The following PRKAG2 variants were observed in gnomAD, a reference collection of about 807,000 sequenced individuals.
The protein encoded by PRKAG2 is protein kinase AMP-activated non-catalytic subunit gamma 2.
PRKAG2 carries 26 observed loss-of-function variants against 69.6 expected under a neutral mutation model. That is an observed-to-expected ratio of 0.37 (90% confidence interval 0.27 to 0.52). The LOEUF (loss-of-function observed/expected upper bound fraction) is 0.52. Ranked by LOEUF, PRKAG2 falls within the 20% of genes least tolerant of loss-of-function variation. The probability of loss-of-function intolerance (pLI) is 0.90; values close to 1 mark genes in which losing one functional copy is unlikely to be tolerated. For missense variants in PRKAG2, 557 were observed against 740.0 expected, an observed-to-expected ratio of 0.75 and a Z score of 2.87; for synonymous variants, 293 against 285.0, an observed-to-expected ratio of 1.03 and a Z score of -0.28.
chr7:151,778,478 T>C (rs1046974967), intron 3 of PRKAG2, among the ~76,000 whole-genome samples: 4 of 152,198 alleles, frequency 2.6e-5, no homozygotes, highest in Non-Finnish European at 5.9e-5. Flanking sequence ...TACTCCTTTA[T>C]AGCAATGCAA....
At chr7:151,607,750 C>T (rs1205700922) in intron 5 of PRKAG2, among the ~76,000 whole-genome samples, 3 of 152,126 alleles carry the variant, frequency 2.0e-5, no homozygotes, top group Admixed American at 6.5e-5. Context: ...TTTGAGAATG[C>T]GTTCCTCATG....
intron 1 of PRKAG2, among the ~76,000 whole-genome samples, chr7:151,793,414 T>C (rs1027000141): frequency 6.6e-6 from 1 of 152,216 alleles, no homozygotes; most frequent in Non-Finnish European, 1.5e-5. Flanking sequence ...CCCTTAAGGT[T>C]TCTCAACTGA....
chr7:151,717,804 A>G (rs551052477), intron 3 of PRKAG2, among the ~76,000 whole-genome samples: 1 of 152,358 alleles, frequency 6.6e-6, no homozygotes, highest in East Asian at 1.9e-4. Context: ...TTTTCAGCCT[A>G]TAAAGTTGAT....
chr7:151,781,451 T>C lies in PRKAG2; in HGVS notation c.187-20A>G. On this transcript the variant is annotated intron_variant, in intron 2 of 15. Coordinates refer to ENST00000287878, the MANE Select transcript of PRKAG2 (RefSeq NM_016203.4). The surrounding 1 kb of genome is among the most constrained non-coding windows in gnomAD (Gnocchi z 6.1). ...GTCCACCTGCAGAAAAACAGACGAA[T>C]GGATGCAGTCACTCCACGCTCTGGA... is the stretch of plus-strand genomic sequence containing the variant. 2 of 1,592,040 alleles carry C rather than the reference T, an allele frequency of 1.3e-6. No homozygotes were observed. Among genetic ancestry groups the C allele is most frequent in the Non-Finnish European group, 1.7e-6 (2 of 1,170,280 alleles).
chr7:151,688,460 C>T (rs184575001), intron 3 of PRKAG2, among the ~76,000 whole-genome samples: 1 of 152,292 alleles, frequency 6.6e-6, no homozygotes, highest in Admixed American at 6.5e-5. Context: ...GGAATTTACC[C>T]CGATGAGATG....
intron 1 of PRKAG2, among the ~76,000 whole-genome samples, chr7:151,798,552 G>C (rs1160365928): frequency 6.6e-6 from 1 of 152,098 alleles, no homozygotes. Context: ...TGGGCTCAAG[G>C]GATATACCTG....
intron 1 of PRKAG2, among the ~76,000 whole-genome samples, chr7:151,827,990 A>G (rs1314271156): frequency 6.6e-6 from 1 of 152,082 alleles, no homozygotes; most frequent in African/African-American, 2.4e-5. Context: ...CAGTCCAGAA[A>G]AACTCCCAGG....
intron 3 of PRKAG2, among the ~76,000 whole-genome samples, chr7:151,741,001 T>C (rs958096208): frequency 6.6e-5 from 10 of 152,264 alleles, no homozygotes; most frequent in Non-Finnish European, 1.2e-4. Flanking sequence ...TGTTTAGATG[T>C]CTTTTTTTCT....
At chr7:151,630,799 G>A (rs1458253426) in intron 5 of PRKAG2, among the ~76,000 whole-genome samples, 1 of 152,226 alleles carries the variant, frequency 6.6e-6, no homozygotes, top group African/African-American at 2.4e-5. Flanking sequence ...TAATAAAACT[G>A]AGGAATAGTG....
chr7:151,779,686 T>G (rs2076574043), intron 3 of PRKAG2, among the ~76,000 whole-genome samples: 1 of 152,212 alleles, frequency 6.6e-6, no homozygotes, highest in Middle Eastern at 3.2e-3. Context: ...TAGGAGCCCT[T>G]GAAGGCAGGA....
In PRKAG2 at chr7:151,614,306, T is replaced by C. The variant is rs1327541055; in HGVS notation, c.754+17763A>G. ...ACATGGGGCAGGGGCTGGCACCCCA[T>C]GGCGATGGGGGAGCAGCAGCAGGGT... On this transcript the variant is annotated intron_variant, in intron 5 of 15. Coordinates refer to ENST00000287878, the MANE Select transcript of PRKAG2 (RefSeq NM_016203.4). This position sits in a 1 kb window ranked among gnomAD's most constrained non-coding sequence, Gnocchi z 4.4. Among the ~76,000 whole-genome samples the C allele has an allele frequency of 6.6e-6, 1 of 151,990 alleles. No homozygotes were observed. Among genetic ancestry groups the C allele is most frequent in the Non-Finnish European group, 1.5e-5 (1 of 67,958 alleles).
At chr7:151,573,333 GTTTTTTTTTTTT>G (rs57854174) in intron 8 of PRKAG2, among the ~76,000 whole-genome samples, 17 of 82,880 alleles carry the variant, frequency 2.1e-4, no homozygotes, top group African/African-American at 5.2e-4. Flanking sequence ...ATTTTTGTGG[GTTTTTTTTTTTT>G]TTTTTTTTTT....
At chr7:151,650,018 A>G (rs1828215936) in intron 4 of PRKAG2, among the ~76,000 whole-genome samples, 1 of 152,164 alleles carries the variant, frequency 6.6e-6, no homozygotes, top group Non-Finnish European at 1.5e-5. Context: ...GCAAAGCGTA[A>G]TGACTACTTG....
intron 1 of PRKAG2, among the ~76,000 whole-genome samples, chr7:151,820,164 A>T (rs1207634248): frequency 1.3e-5 from 2 of 152,248 alleles, no homozygotes; most frequent in Admixed American, 6.5e-5. Context: ...AAGTGAGAGG[A>T]GGAAGGACTC....
intron 4 of PRKAG2, among the ~76,000 whole-genome samples, chr7:151,657,354 G>A (rs948575516): frequency 1.3e-5 from 2 of 152,150 alleles, no homozygotes; most frequent in African/African-American, 4.8e-5. Flanking sequence ...CTGACTCACT[G>A]CTGGACTGTT....
rs1181830900 is a variant in PRKAG2 at position 151,835,032 on chromosome 7, C to G, written c.114+41475G>C. ...ATCTGTGTCCAGAATCCCCCTCATA[C>G]GCAGATGCCAGCCATGTGGAAAAGG... On this transcript the variant is annotated intron_variant, in intron 1 of 15. Transcript: ENST00000287878. The surrounding 1 kb of genome is among the most constrained non-coding windows in gnomAD (Gnocchi z 4.1). Among the ~76,000 whole-genome samples the G allele has an allele frequency of 2.6e-5, 4 of 152,298 alleles. No individual in the cohort carries two copies. The highest frequency in any genetic ancestry group is 4.1e-4 in the South Asian group (2 of 4,826).
chr7:151,729,910 T>C (rs1020037566), intron 3 of PRKAG2, among the ~76,000 whole-genome samples: 2 of 152,112 alleles, frequency 1.3e-5, no homozygotes, highest in Non-Finnish European at 2.9e-5. Flanking sequence ...ACGTTTGCCA[T>C]CGAAACAAGG....
chr7:151,681,003 C>T (rs938709391), intron 3 of PRKAG2, among the ~76,000 whole-genome samples: 4 of 152,204 alleles, frequency 2.6e-5, no homozygotes, highest in Admixed American at 6.5e-5. Flanking sequence ...GTTCATCTTT[C>T]AAGTAAACAG....
chr7:151,576,662 G>A (rs1292223034), intron 6 of PRKAG2, among the ~76,000 whole-genome samples: 1 of 152,032 alleles, frequency 6.6e-6, no homozygotes, highest in African/African-American at 2.4e-5. Flanking sequence ...CACCATGCCC[G>A]GCTAATTTTT....
Sources: allele counts gnomAD v4.1 joint callset (sites outside exome capture counted in the v4.1 genomes callset), GRCh38; gene constraint gnomAD v4.1.1; non-coding constraint Gnocchi (gnomAD v3.1); transcripts MANE v1.5; gene names NCBI Gene and HGNC (gene_info 2026-07-23, HGNC 2026-07-21).